The following RTL4 variants were observed in gnomAD, a reference collection of about 807,000 sequenced individuals.
RTL4 encodes the protein retrotransposon Gag like 4, also known as retrotransposon Gag-like protein 4.
In RTL4, 4 loss-of-function variants were observed where a neutral mutation model predicts 5.3. That is an observed-to-expected ratio of 0.75 (90% CI 0.37 to 1.72). The LOEUF is 1.72. Ranked by LOEUF, RTL4 falls within the 40% of genes most tolerant of loss-of-function variation. RTL4 has a pLI of 0.04. For synonymous variants in RTL4, 98 were observed against 87.3 expected (o/e 1.12, Z -0.68); for missense variants, 260 against 227.1 (o/e 1.14, Z -0.93).
the RTL4 span, among the ~76,000 whole-genome samples, chrX:112,132,043 T>C: frequency 1.8e-5 from 2 of 111,828 alleles, no homozygotes; most frequent in Non-Finnish European, 3.8e-5. Context: ...AGAGTCTGGA[T>C]CTGAATCCAG....
chrX:112,425,024 ATTG>A, the RTL4 span, among the ~76,000 whole-genome samples: 1 of 111,099 alleles, frequency 9.0e-6, no homozygotes. Context: ...GCATGTATCT[ATTG>A]TTGTACTATT....
the RTL4 span, among the ~76,000 whole-genome samples, chrX:112,110,579 T>C: frequency 8.9e-6 from 1 of 111,803 alleles, no homozygotes; most frequent in Non-Finnish European, 1.9e-5. Context: ...AAACTTTACT[T>C]TTGTAAAAAC....
the RTL4 span, among the ~76,000 whole-genome samples, chrX:112,256,577 T>C: frequency 1.2e-4 from 14 of 112,053 alleles, no homozygotes; most frequent in Non-Finnish European, 2.6e-4. Context: ...TCGAATTGTA[T>C]TGGATTTATG....
the RTL4 span, among the ~76,000 whole-genome samples, chrX:112,235,561 G>T: frequency 1.8e-5 from 2 of 111,878 alleles, no homozygotes; most frequent in Non-Finnish European, 3.8e-5. Flanking sequence ...GCATCTGGTG[G>T]GATTGACCCC....
the RTL4 span, among the ~76,000 whole-genome samples, chrX:112,128,801 AC>A: frequency 8.9e-6 from 1 of 111,745 alleles, no homozygotes; most frequent in Admixed American, 9.5e-5. Flanking sequence ...TGGCTATGAC[AC>A]CAAAAGCTTA....
chrX:112,219,290 A>G, the RTL4 span, among the ~76,000 whole-genome samples: 2 of 112,499 alleles, frequency 1.8e-5, no homozygotes, highest in Non-Finnish European at 3.7e-5. Context: ...TTCCAGAAAT[A>G]GAAACTCATT....
exon 1 of RTL4, chrX:112,455,422 C>G (rs778372062): frequency 8.3e-7 from 1 of 1,211,148 alleles, no homozygotes; most frequent in East Asian, 3.0e-5. Context: ...AGAGACCCAG[C>G]TCCCATTGTT....
the RTL4 span, among the ~76,000 whole-genome samples, chrX:112,323,445 G>A: frequency 1.8e-5 from 2 of 110,028 alleles, no homozygotes; most frequent in Non-Finnish European, 3.8e-5. Context: ...TTATATTTTA[G>A]CATATAGAAG....
At chrX:112,271,241 G>A in the RTL4 span, among the ~76,000 whole-genome samples, 1 of 112,784 alleles carries the variant, frequency 8.9e-6, no homozygotes, top group Admixed American at 9.3e-5. Flanking sequence ...ATAAGACAGA[G>A]TGTGAGATTA....
chrX:112,328,425 T>C, the RTL4 span, among the ~76,000 whole-genome samples: 1 of 111,468 alleles, frequency 9.0e-6, no homozygotes, highest in African/African-American at 3.3e-5. Context: ...CATTACATAA[T>C]GGTAAAGGGA....
the RTL4 span, among the ~76,000 whole-genome samples, chrX:112,405,151 T>C: frequency 1.8e-5 from 2 of 111,351 alleles, no homozygotes; most frequent in Admixed American, 1.9e-4. Context: ...ATTTAAACAG[T>C]TTCTCAGTAA....
At chrX:112,448,144 A>G in the RTL4 span, among the ~76,000 whole-genome samples, 4 of 111,972 alleles carry the variant, frequency 3.6e-5, no homozygotes, top group South Asian at 1.5e-3. Context: ...TAAAGACGAA[A>G]GAGACAGGAG....
chrX:112,323,824 G>C, the RTL4 span, among the ~76,000 whole-genome samples: 1 of 111,971 alleles, frequency 8.9e-6, no homozygotes, highest in Non-Finnish European at 1.9e-5. Context: ...TCTATCTTTT[G>C]TTCTAAAGAG....
At chrX:112,091,514 T>G in the RTL4 span, among the ~76,000 whole-genome samples, 3 of 112,058 alleles carry the variant, frequency 2.7e-5, no homozygotes, top group African/African-American at 9.7e-5. Context: ...TTTAAGGGTT[T>G]GTTGTTTAAT....
the RTL4 span, among the ~76,000 whole-genome samples, chrX:112,231,873 G>A: frequency 1.8e-5 from 2 of 111,668 alleles, no homozygotes; most frequent in African/African-American, 6.5e-5. Context: ...GAAGTTATGT[G>A]AGGAATAAGT....
chrX:112,228,493 T>A, the RTL4 span, among the ~76,000 whole-genome samples: 1 of 112,724 alleles, frequency 8.9e-6, no homozygotes. Context: ...ACAGTCAAAT[T>A]AAATTAACAC....
the RTL4 span, among the ~76,000 whole-genome samples, chrX:112,409,997 G>T: frequency 9.1e-6 from 1 of 110,381 alleles, no homozygotes; most frequent in Non-Finnish European, 1.9e-5. Context: ...CACTGTACCT[G>T]TAAAGACACA....
the RTL4 span, among the ~76,000 whole-genome samples, chrX:112,185,038 G>A: frequency 4.5e-5 from 5 of 111,021 alleles, no homozygotes; most frequent in South Asian, 3.8e-4. Flanking sequence ...CTTAGAGATC[G>A]TAGAGTTCAA....
chrX:112,345,855 T>C, the RTL4 span, among the ~76,000 whole-genome samples: 1 of 111,648 alleles, frequency 9.0e-6, no homozygotes, highest in Non-Finnish European at 1.9e-5. Flanking sequence ...TTTTCAAGAT[T>C]CCCTGAACCA....
Sources: allele counts gnomAD v4.1 joint callset (sites outside exome capture counted in the v4.1 genomes callset), GRCh38; gene constraint gnomAD v4.1.1; transcripts MANE v1.5; gene names NCBI Gene and HGNC (gene_info 2026-07-23, HGNC 2026-07-21).